LY86: variants seen among roughly 807,000 people sequenced by gnomAD.
LY86 encodes the protein MD-1, RP105-associated.
In LY86, 20 loss-of-function variants were observed where a neutral mutation model predicts 17.3. The ratio of observed to expected loss-of-function variants is 1.15; its 90% CI spans 0.81 to 1.68. The LOEUF (loss-of-function observed/expected upper bound fraction) is 1.68, where lower values mean the gene tolerates loss of function less well. Ranked by LOEUF, LY86 falls within the 40% of genes most tolerant of loss-of-function variation. The probability of loss-of-function intolerance (pLI) is 0.00; values close to 1 mark genes in which losing one functional copy is unlikely to be tolerated. For missense variants in LY86, 200 were observed against 191.9 expected (o/e 1.04, Z -0.25); for synonymous variants, 74 against 70.6 (o/e 1.05, Z -0.24).
intron 1 of LY86, among the ~76,000 whole-genome samples, chr6:6,613,569 C>T (rs1037860475): frequency 5.9e-5 from 9 of 152,290 alleles, no homozygotes; most frequent in Admixed American, 3.3e-4. Context: ...CCACGCCCAC[C>T]GGGAACTCGC....
chr6:6,594,748 A>T (rs188269704), intron 1 of LY86, among the ~76,000 whole-genome samples: 32 of 152,350 alleles, frequency 2.1e-4, no homozygotes, highest in African/African-American at 7.2e-4. Flanking sequence ...TCCCTTCTGC[A>T]TGCCACTTTA....
intron 1 of LY86, among the ~76,000 whole-genome samples, chr6:6,608,280 T>C (rs536778762): frequency 1.3e-5 from 2 of 152,370 alleles, no homozygotes; most frequent in East Asian, 3.9e-4. Flanking sequence ...ATCTACAAAT[T>C]ACTGGAACTA....
chr6:6,611,705 C>T (rs1478744679), intron 1 of LY86, among the ~76,000 whole-genome samples: 1 of 152,208 alleles, frequency 6.6e-6, no homozygotes, highest in African/African-American at 2.4e-5. Context: ...TTTGTCCCCC[C>T]TTTCTCCTGA....
Position 6,626,296 on chromosome 6 carries a change from AG to A in LY86, c.229del (p.Asp77ThrfsTer9), listed in dbSNP as rs1242764070. On this transcript the variant is annotated frameshift_variant, in exon 3 of 5. Transcript: ENST00000230568. LOFTEE classifies it high-confidence loss of function. ...GCTGTTCTTCTCTTTCCTCCAGGAGAGGACATCAAAGAGCTTTTTCTTGACC... is the reference window on the plus strand; with the variant it reads ...GCTGTTCTTCTCTTTCCTCCAGGAGAGACATCAAAGAGCTTTTTCTTGACC... ...INIRFGIILR[E>X]DIKELFLDLA... The A allele has an allele frequency of 6.2e-7, 1 of 1,613,790 alleles. No homozygotes were observed.
chr6:6,624,733 G>A (rs1309398248), intron 1 of LY86, among the ~76,000 whole-genome samples, 193 bp from the exon 2 acceptor site: 1 of 152,174 alleles, frequency 6.6e-6, no homozygotes, highest in Non-Finnish European at 1.5e-5. Flanking sequence ...TTGTCAGAGT[G>A]AACATGATGT....
intron 1 of LY86, among the ~76,000 whole-genome samples, chr6:6,610,328 A>G (rs1310242897): frequency 6.6e-6 from 1 of 152,090 alleles, no homozygotes; most frequent in Non-Finnish European, 1.5e-5. Flanking sequence ...TCAAGATAAA[A>G]AGATTTTATT....
At chr6:6,603,384 C>T (rs540814827) in intron 1 of LY86, among the ~76,000 whole-genome samples, 1 of 151,972 alleles carries the variant, frequency 6.6e-6, no homozygotes, top group South Asian at 2.1e-4. Flanking sequence ...ATTACCCACA[C>T]ATCTAAGGAA....
intron 3 of LY86, among the ~76,000 whole-genome samples, chr6:6,639,888 G>T (rs377707040): frequency 2.4e-4 from 36 of 152,244 alleles, no homozygotes; most frequent in African/African-American, 7.9e-4. Context: ...ATGTGAAAAG[G>T]CCCAAAACTG....
intron 3 of LY86, among the ~76,000 whole-genome samples, chr6:6,642,351 G>A (rs1762051980): frequency 6.6e-6 from 1 of 152,240 alleles, no homozygotes; most frequent in South Asian, 2.1e-4. Context: ...GACCCCTCCA[G>A]GGGAGACACA....
intron 3 of LY86, among the ~76,000 whole-genome samples, chr6:6,642,319 G>A (rs980497092): frequency 6.6e-6 from 1 of 152,280 alleles, no homozygotes; most frequent in Non-Finnish European, 1.5e-5. Flanking sequence ...AGCCAAGCCT[G>A]CAGCACTGAG....
chr6:6,638,942 C>T (rs1185266457), intron 3 of LY86, among the ~76,000 whole-genome samples: 1 of 151,632 alleles, frequency 6.6e-6, no homozygotes, highest in Non-Finnish European at 1.5e-5. Flanking sequence ...ACCCAAAGGA[C>T]TATAAATCAT....
chr6:6,648,553 C>G, intron 3 of LY86, among the ~76,000 whole-genome samples: 1 of 152,200 alleles, frequency 6.6e-6, no homozygotes, highest in Non-Finnish European at 1.5e-5. Flanking sequence ...CCATTCTGCT[C>G]CTTCAGGACT....
chr6:6,589,328 C>G lies in LY86; in HGVS notation c.136+458C>G, dbSNP rs182863357. On this transcript the variant is annotated intron_variant, in intron 1 of 4. Transcript: ENST00000230568. ...TCTGCCCAAAGAGAAGATTCCTGTC[C>G]CTCTCTGGACACTTTCAGAGCTTTC... 1.0e-3 allele frequency among the ~76,000 whole-genome samples: 153 copies of G among 152,270 alleles called. No homozygotes were observed. In the Middle Eastern group the frequency reaches 0.017, roughly 17 times the overall value.
chr6:6,626,338 A>G lies in LY86; in HGVS notation c.269A>G (p.Gln90Arg). 6.2e-7 allele frequency: 1 copy of G among 1,614,056 alleles called. No homozygotes were observed. The highest frequency in any genetic ancestry group is 8.5e-7 in the Non-Finnish European group (1 of 1,179,976). The change falls in exon 3 of 5, where the codon CAA becomes CGA. Residue 90 changes from glutamine (Q) to arginine (R), a missense_variant. Coordinates refer to ENST00000230568, the MANE Select transcript of LY86 (RefSeq NM_004271.4). ...TTTCTTGACCTAGCTCTCATGTCTC[A>G]AGGCTCATCTGTTTTGAATTTCTCC... ...ELFLDLALMS[Q>R]GSSVLNFSYP...
At chr6:6,654,003 C>A (rs975769308) in intron 4 of LY86, among the ~76,000 whole-genome samples, 1 of 152,180 alleles carries the variant, frequency 6.6e-6, no homozygotes, top group Non-Finnish European at 1.5e-5. Flanking sequence ...TGACCAGAGT[C>A]CCTTTCAGAG....
At chr6:6,595,378 AGG>A (rs1760676381) in intron 1 of LY86, among the ~76,000 whole-genome samples, 1 of 81,126 alleles carries the variant, frequency 1.2e-5, no homozygotes, top group Non-Finnish European at 2.9e-5. Context: ...GAAAGAAGAG[AGG>A]GGAGAAGAGA....
chr6:6,601,772 G>C (rs977864520), intron 1 of LY86, among the ~76,000 whole-genome samples: 3 of 152,108 alleles, frequency 2.0e-5, no homozygotes, highest in African/African-American at 7.2e-5. Flanking sequence ...AGGGACCATG[G>C]TGCTTGCCTC....
chr6:6,589,734 T>C (rs1368881038), intron 1 of LY86, among the ~76,000 whole-genome samples: 1 of 151,984 alleles, frequency 6.6e-6, no homozygotes, highest in Non-Finnish European at 1.5e-5. Flanking sequence ...TCTGTGTACA[T>C]CTGTGTCCTC....
intron 1 of LY86, among the ~76,000 whole-genome samples, chr6:6,618,708 A>G (rs987985807): frequency 2.0e-5 from 3 of 152,230 alleles, no homozygotes; most frequent in African/African-American, 7.2e-5. Context: ...GTTCATACGT[A>G]TGACTTGAAT....
Sources: gnomAD v4.1 joint callset for allele counts (sites outside exome capture counted in the v4.1 genomes callset) on GRCh38, gnomAD v4.1.1 for gene constraint, MANE v1.5 for transcripts, NCBI Gene and HGNC (gene_info 2026-07-23, HGNC 2026-07-21) for gene names.